Variants in XPO1 observed in about 807,000 individuals in gnomAD.
XPO1 encodes the protein exportin-1.
In XPO1, 5 loss-of-function variants were observed where a neutral mutation model predicts 133.3. The ratio of observed to expected loss-of-function variants is 0.04; its 90% CI spans 0.02 to 0.08. The LOEUF (loss-of-function observed/expected upper bound fraction) is 0.08, where lower values mean the gene tolerates loss of function less well. Among genes scored for constraint, XPO1 ranks in the 10% least tolerant of loss-of-function variants. The pLI, the probability that XPO1 is intolerant of heterozygous loss-of-function variation, is 1.00. For synonymous variants in XPO1, 419 were observed against 408.2 expected, an observed-to-expected ratio of 1.03 and a Z score of -0.32; for missense variants, 506 against 1,267.5, an observed-to-expected ratio of 0.40 and a Z score of 9.12.
intron 10 of XPO1, 51 bp from the exon 11 acceptor site, chr2:61,495,664 G>A: frequency 6.8e-7 from 1 of 1,464,388 alleles, no homozygotes; most frequent in Non-Finnish European, 9.1e-7. Flanking sequence ...AACAACTAAA[G>A]ACACTTAATA....
At chr2:61,507,021 A>T (rs1242234128) in intron 4 of XPO1, among the ~76,000 whole-genome samples, 1 of 151,614 alleles carries the variant, frequency 6.6e-6, no homozygotes, top group African/African-American at 2.4e-5. Flanking sequence ...TCTGAGGTCA[A>T]GAGTTCAAGA....
At chr2:61,504,884 A>T (rs1266408397) in intron 4 of XPO1, among the ~76,000 whole-genome samples, 1 of 152,262 alleles carries the variant, frequency 6.6e-6, no homozygotes, top group African/African-American at 2.4e-5. Flanking sequence ...AATTACGAAA[A>T]AAATATTACT....
chr2:61,481,383 A>T (rs973968908), intron 23 of XPO1, 102 bp from the exon 24 acceptor site: 1 of 639,668 alleles, frequency 1.6e-6, no homozygotes, highest in African/African-American at 1.9e-5. Flanking sequence ...ATCTCTGCTC[A>T]CTGTAATCTC....
intron 2 of XPO1, among the ~76,000 whole-genome samples, chr2:61,533,176 C>CA (rs890238454): frequency 1.3e-5 from 2 of 151,772 alleles, no homozygotes; most frequent in Non-Finnish European, 2.9e-5. Flanking sequence ...GAGACTGTCT[C>CA]AAAAAAAAGT....
chr2:61,480,259 A>C (rs2104226552), intron 24 of XPO1: 1 of 149,726 alleles, frequency 6.7e-6, no homozygotes, highest in Admixed American at 6.7e-5. Flanking sequence ...ATTATCATTG[A>C]CTTCGTAGCT....
intron 1 of XPO1, 177 bp from the exon 2 acceptor site, chr2:61,534,080 G>C: frequency 1.8e-6 from 1 of 557,072 alleles, no homozygotes; most frequent in Non-Finnish European, 2.8e-6. Context: ...AAATTACTTA[G>C]CTATTTGATA....
intron 4 of XPO1, among the ~76,000 whole-genome samples, chr2:61,507,412 A>G (rs778528595): frequency 2.1e-4 from 32 of 151,972 alleles, no homozygotes; most frequent in South Asian, 1.0e-3. Context: ...CATTTCCACA[A>G]AAAATAAAAA....
chr2:61,533,658 T>C (rs1699252523), intron 2 of XPO1, 114 bp downstream of exon 2: 1 of 1,224,598 alleles, frequency 8.2e-7, no homozygotes, highest in South Asian at 2.9e-5. Context: ...GAATTCCAAA[T>C]TAATGCAAAC....
At chr2:61,482,611 T>C in intron 22 of XPO1, 72 bp from the exon 23 acceptor site, 1 of 1,286,044 alleles carries the variant, frequency 7.8e-7, no homozygotes, top group Non-Finnish European at 1.0e-6. Flanking sequence ...TTTTTTGTTT[T>C]GTTTTTTTTT....
intron 3 of XPO1, chr2:61,526,115 T>C: frequency 1.7e-6 from 2 of 1,155,802 alleles, no homozygotes; most frequent in Non-Finnish European, 2.1e-6. Flanking sequence ...AATGTTATGT[T>C]TAATCTCTGA....
intron 4 of XPO1, among the ~76,000 whole-genome samples, chr2:61,516,772 T>G (rs1698411336): frequency 6.6e-6 from 1 of 152,188 alleles, no homozygotes; most frequent in Admixed American, 6.5e-5. Flanking sequence ...ATTAACTGAT[T>G]AAAACAATCC....
At chr2:61,533,736 G>C in intron 2 of XPO1, 36 bp downstream of exon 2, 1 of 1,539,870 alleles carries the variant, frequency 6.5e-7, no homozygotes, top group Non-Finnish European at 8.7e-7. Context: ...CTGTTACACT[G>C]TCATAATGTT....
chr2:61,512,019 T>C (rs1698123586), intron 4 of XPO1, among the ~76,000 whole-genome samples: 1 of 152,044 alleles, frequency 6.6e-6, no homozygotes, highest in South Asian at 2.1e-4. Flanking sequence ...ATTGCCTGCC[T>C]AGGCCTCCCA....
intron 4 of XPO1, among the ~76,000 whole-genome samples, chr2:61,519,005 C>T (rs1374079552): frequency 1.3e-5 from 2 of 152,028 alleles, no homozygotes; most frequent in Non-Finnish European, 1.5e-5. Context: ...TGTTGGAGTG[C>T]AATGGCGTGA....
chr2:61,526,105 A>G, intron 3 of XPO1: 1 of 1,139,780 alleles, frequency 8.8e-7, no homozygotes, highest in Non-Finnish European at 1.1e-6. Flanking sequence ...ATAATTCCTT[A>G]ATGTTATGTT....
chr2:61,532,417 G>A lies in XPO1; in HGVS notation c.126+1355C>T, dbSNP rs935017183. Among the ~76,000 whole-genome samples the A allele has an allele frequency of 5.3e-5, 8 of 150,132 alleles. No homozygotes were observed. In the South Asian group the frequency reaches 1.5e-3, roughly 29 times the overall value. On this transcript the variant is annotated intron_variant, in intron 2 of 24. Transcript: ENST00000401558. Reference sequence around the variant, plus strand: ...GCTGGGATTACAGGCGTGAGCCACCGCGCCCGGCCGGCACTCAGTTTCTTA... The same window carrying A: ...GCTGGGATTACAGGCGTGAGCCACCACGCCCGGCCGGCACTCAGTTTCTTA...
At chr2:61,487,481 C>G (rs1261234896) in intron 19 of XPO1, among the ~76,000 whole-genome samples, 12 of 151,184 alleles carry the variant, frequency 7.9e-5, no homozygotes, top group Non-Finnish European at 1.5e-5. Context: ...ATTTCCTTAA[C>G]AAGAAACAAT....
At chr2:61,529,108 G>A (rs577092203) in intron 2 of XPO1, among the ~76,000 whole-genome samples, 1 of 151,972 alleles carries the variant, frequency 6.6e-6, no homozygotes, top group African/African-American at 2.4e-5. Flanking sequence ...GGAAGATTGA[G>A]CCTGGGAAGT....
At chr2:61,533,395 G>T (rs1699241540) in intron 2 of XPO1, among the ~76,000 whole-genome samples, 1 of 152,000 alleles carries the variant, frequency 6.6e-6, no homozygotes, top group Non-Finnish European at 1.5e-5. Flanking sequence ...AAAAATACTT[G>T]GTATTCCTGT....
Sources: gnomAD v4.1 joint callset for allele counts (sites outside exome capture counted in the v4.1 genomes callset) on GRCh38, gnomAD v4.1.1 for gene constraint, MANE v1.5 for transcripts, NCBI Gene and HGNC (gene_info 2026-07-23, HGNC 2026-07-21) for gene names.